NLN: variants seen among roughly 807,000 people sequenced by gnomAD.
NLN encodes neurolysin, also known as neurolysin, mitochondrial.
NLN carries 64 observed loss-of-function variants against 79.9 expected under a neutral mutation model. The observed-to-expected ratio is 0.80, with a 90% confidence interval of 0.65 to 0.99. The LOEUF (loss-of-function observed/expected upper bound fraction) is 0.99. Among genes scored for constraint, NLN ranks in the 50% least tolerant of loss-of-function variants. The pLI, the probability that NLN is intolerant of heterozygous loss-of-function variation, is 0.00. For synonymous variants in NLN, 267 were observed against 296.6 expected (o/e 0.90, Z 1.02); for missense variants, 835 against 858.7 (o/e 0.97, Z 0.34).
rs148433844 is a variant in NLN, at chr5:65,768,784, C to T, written c.450+5676C>T. 3.3e-3 allele frequency among the ~76,000 whole-genome samples: 495 copies of T among 152,184 alleles called. 2 individuals carry two copies. The highest frequency in any genetic ancestry group is 0.011 in the African/African-American group (446 of 41,516). ...GGTTGGGAGGTGGGGTACAGGAAGG[C>T]GAGGGGAGAGAGACAGGGAGAACTC... On this transcript the variant is annotated intron_variant, in intron 3 of 12. Coordinates refer to ENST00000380985, the MANE Select transcript of NLN (RefSeq NM_020726.5).
chr5:65,772,418 C>T lies in NLN; in HGVS notation c.451-5009C>T, dbSNP rs1024457629. On this transcript the variant is annotated intron_variant, in intron 3 of 12. Coordinates refer to ENST00000380985, the MANE Select transcript of NLN (RefSeq NM_020726.5). ...GTGATGCCTCACTTCAGCAACCTTA[C>T]GCTGTGGCTCACACAGAAGCAGTGA... 5.9e-5 allele frequency among the ~76,000 whole-genome samples: 9 copies of T among 152,272 alleles called. No homozygotes were observed. The East Asian group carries it at 1.5e-3, about 26-fold the overall frequency.
In NLN at chr5:65,780,329, A is replaced by C. The variant is rs112967056; in HGVS notation, c.661+48A>C. The C allele has an allele frequency of 1.3e-3, 940 of 701,836 alleles. 9 individuals are homozygous for C. In the African/African-American group the frequency reaches 0.016, roughly 12 times the overall value. 43.5% of individuals were successfully genotyped at this position (701,836 alleles called of 1,614,324 possible). On this transcript the variant is annotated intron_variant, in intron 5 of 12. Coordinates refer to ENST00000380985, the MANE Select transcript of NLN (RefSeq NM_020726.5). ...ATTAAATCATATAATTTAGGCAAAT[A>C]GTGTTACCTCACAGTTTGTTTTACT...
chr5:65,777,315 A>G (rs1358921036), intron 3 of NLN, 112 bp from the exon 4 acceptor site: 6 of 751,204 alleles, frequency 8.0e-6, no homozygotes, highest in South Asian at 7.7e-5. Flanking sequence ...GTAATCACCT[A>G]TGTGCTTCAT....
chr5:65,771,470 T>C (rs983765476), intron 3 of NLN, among the ~76,000 whole-genome samples: 5 of 152,262 alleles, frequency 3.3e-5, no homozygotes, highest in African/African-American at 1.2e-4. Flanking sequence ...AATTCTTTCA[T>C]GAAATAGAGG....
chr5:65,790,755 T>G (rs920706243), intron 8 of NLN, among the ~76,000 whole-genome samples: 1 of 152,220 alleles, frequency 6.6e-6, no homozygotes, highest in Admixed American at 6.5e-5. Context: ...CCCTGCCAAA[T>G]ATAGATGAGT....
intron 9 of NLN, among the ~76,000 whole-genome samples, chr5:65,806,406 A>G (rs976873825): frequency 6.6e-6 from 1 of 152,252 alleles, no homozygotes; most frequent in Admixed American, 6.5e-5. Flanking sequence ...AGATCAAAAT[A>G]TCAACATTAA....
intron 5 of NLN, among the ~76,000 whole-genome samples, 198 bp downstream of exon 5, chr5:65,780,479 T>C (rs576600803): frequency 6.6e-6 from 1 of 152,010 alleles, no homozygotes; most frequent in South Asian, 2.1e-4. Context: ...TTTAGGCTAA[T>C]GAGGGTATAT....
intron 1 of NLN, among the ~76,000 whole-genome samples, chr5:65,739,948 G>T (rs538929906): frequency 6.6e-6 from 1 of 152,008 alleles, no homozygotes; most frequent in South Asian, 2.1e-4. Context: ...CATTCTATAG[G>T]TTGTCTCTTC....
intron 1 of NLN, among the ~76,000 whole-genome samples, chr5:65,747,411 A>G (rs558773532): frequency 6.6e-6 from 1 of 152,192 alleles, no homozygotes; most frequent in South Asian, 2.1e-4. Flanking sequence ...AGAGCCTGCT[A>G]TGAGAATAGA....
At chr5:65,741,514 T>A (rs1227359519) in intron 1 of NLN, among the ~76,000 whole-genome samples, 1 of 152,168 alleles carries the variant, frequency 6.6e-6, no homozygotes, top group Admixed American at 6.5e-5. Context: ...CAACAAAATA[T>A]TTATGTGTAA....
At chr5:65,794,071 A>G (rs1399117151) in intron 9 of NLN, among the ~76,000 whole-genome samples, 1 of 152,226 alleles carries the variant, frequency 6.6e-6, no homozygotes, top group Admixed American at 6.5e-5. Context: ...CTATGCAGTA[A>G]GACATAATGA....
intron 3 of NLN, among the ~76,000 whole-genome samples, chr5:65,776,159 A>T (rs1038941088): frequency 7.9e-5 from 12 of 152,234 alleles, no homozygotes; most frequent in Non-Finnish European, 1.5e-4. Flanking sequence ...AGGCCGAGGC[A>T]TGAGAATTGC....
chr5:65,755,065 C>T (rs34981), intron 1 of NLN, among the ~76,000 whole-genome samples: 66,551 of 151,926 alleles, frequency 0.44, 15,630 homozygotes, highest in Non-Finnish European at 0.53. Flanking sequence ...CTGACTACTC[C>T]CATTTTACTG....
At chr5:65,821,767 A>G (rs950794015) in intron 12 of NLN, among the ~76,000 whole-genome samples, 1 of 152,058 alleles carries the variant, frequency 6.6e-6, no homozygotes, top group African/African-American at 2.4e-5. Context: ...CCAAAAGGTA[A>G]CCCCAAAAGT....
At chr5:65,731,305 A>G (rs1758601682) in intron 1 of NLN, among the ~76,000 whole-genome samples, 1 of 152,218 alleles carries the variant, frequency 6.6e-6, no homozygotes, top group Admixed American at 6.5e-5. Flanking sequence ...CCCAGATTCA[A>G]GAAGTGGGGA....
intron 2 of NLN, among the ~76,000 whole-genome samples, chr5:65,759,067 C>T (rs1409634268): frequency 1.3e-5 from 2 of 152,144 alleles, no homozygotes; most frequent in Non-Finnish European, 2.9e-5. Flanking sequence ...TTAAGACATT[C>T]ATACCCTTGC....
chr5:65,747,094 G>A (rs1226282063), intron 1 of NLN, among the ~76,000 whole-genome samples: 3 of 152,170 alleles, frequency 2.0e-5, no homozygotes, highest in African/African-American at 7.2e-5. Flanking sequence ...CAAGCACAGA[G>A]CAAGAAATTG....
At position 65,827,126 on chromosome 5, in the gene NLN, CAAT is replaced by C. The variant is rs1241015309; in HGVS notation, c.*4215_*4217del. 1 of 151,644 alleles carries C rather than the reference CAAT, an allele frequency of 6.6e-6. No individual in the cohort carries two copies. Among genetic ancestry groups the C allele is most frequent in the Admixed American group, 6.6e-5 (1 of 15,190 alleles). 9.4% of individuals were successfully genotyped at this position (151,644 alleles called of 1,614,324 possible). Reference sequence around the variant, plus strand: ...CCAAAATAGCCTTTTTTAACAAACACAATAATGCTGTACGTCTGTAACAAAACA... The same window carrying C: ...CCAAAATAGCCTTTTTTAACAAACACAATGCTGTACGTCTGTAACAAAACA... On this transcript the variant is annotated 3_prime_UTR_variant, in exon 13 of 13. Coordinates refer to ENST00000380985, the MANE Select transcript of NLN (RefSeq NM_020726.5).
intron 1 of NLN, among the ~76,000 whole-genome samples, chr5:65,744,692 C>T (rs531463850): frequency 7.9e-5 from 12 of 152,068 alleles, no homozygotes; most frequent in Non-Finnish European, 1.5e-4. Context: ...TGAGGTCAGG[C>T]GTTCAAGACC....
Sources: allele counts gnomAD v4.1 joint callset (sites outside exome capture counted in the v4.1 genomes callset), GRCh38; gene constraint gnomAD v4.1.1; transcripts MANE v1.5; gene names NCBI Gene and HGNC (gene_info 2026-07-23, HGNC 2026-07-21).